LAD1: variants seen among roughly 807,000 people sequenced by gnomAD.
The protein encoded by LAD1 is ladinin 1.
A neutral mutation model predicts 54.2 loss-of-function variants in LAD1; 53 were observed. That is an observed-to-expected ratio of 0.98 (90% CI 0.78 to 1.23). The LOEUF is 1.23. Ranked by LOEUF, LAD1 falls within the 50% of genes most tolerant of loss-of-function variation. The pLI, the probability that LAD1 is intolerant of heterozygous loss-of-function variation, is 0.00. For missense variants in LAD1, 637 were observed against 653.3 expected, an observed-to-expected ratio of 0.98 and a Z score of 0.27; for synonymous variants, 231 against 257.7, an observed-to-expected ratio of 0.90 and a Z score of 0.99.
At chr1:201,389,050 T>C (rs1662146980) in intron 2 of LAD1, 110 bp downstream of exon 2, 1 of 1,311,560 alleles carries the variant, frequency 7.6e-7, no homozygotes, top group Non-Finnish European at 1.1e-6. Context: ...CATCACACCC[T>C]TCAGCCTCAT....
At position 201,389,224 on chromosome 1, in the gene LAD1, TGGA is replaced by T; in HGVS notation, c.115_117del (p.Ser39del). 1 of 1,614,214 alleles carries T rather than the reference TGGA, an allele frequency of 6.2e-7. No homozygotes were observed. The highest frequency in any genetic ancestry group is 8.5e-7 in the Non-Finnish European group (1 of 1,180,044). ...AGCCTGGGAGCCTCATCGTCCGTGG[TGGA>T]GCTCAGGTTGCGGTGCCGCCGCCTG... On this transcript the variant is annotated inframe_deletion, in exon 2 of 10. Coordinates refer to ENST00000391967, the MANE Select transcript of LAD1 (RefSeq NM_005558.4).
intron 5 of LAD1, chr1:201,383,629 T>C (rs1662015668): frequency 3.6e-6 from 2 of 548,382 alleles, no homozygotes; most frequent in Non-Finnish European, 6.6e-6. Context: ...CCCCCATACC[T>C]TGTCATTTCC....
chr1:201,388,717 T>A (rs1571722125), intron 2 of LAD1, among the ~76,000 whole-genome samples: 1 of 143,948 alleles, frequency 6.9e-6, no homozygotes, highest in Non-Finnish European at 1.5e-5. Context: ...TTATAGAGGG[T>A]CAGGGTTAGA....
intron 1 of LAD1, among the ~76,000 whole-genome samples, chr1:201,398,050 G>T (rs1304117615): frequency 6.6e-6 from 1 of 152,148 alleles, no homozygotes; most frequent in African/African-American, 2.4e-5. Flanking sequence ...GAGCCCATGG[G>T]CTGCCCACAG....
intron 9 of LAD1, 44 bp from the exon 10 acceptor site, chr1:201,381,937 G>A (rs775805966): frequency 1.2e-6 from 2 of 1,604,886 alleles, no homozygotes; most frequent in East Asian, 2.2e-5. Context: ...GGGGTGTCAG[G>A]GATGGAAGGG....
At chr1:201,388,681 CAAAA>C (rs35111170) in intron 2 of LAD1, among the ~76,000 whole-genome samples, 2 of 107,778 alleles carry the variant, frequency 1.9e-5, no homozygotes, top group Non-Finnish European at 1.9e-5. Flanking sequence ...GACTTCGTCT[CAAAA>C]AAAAAAAAAA....
intron 4 of LAD1, among the ~76,000 whole-genome samples, chr1:201,385,326 G>C (rs1472107115): frequency 2.0e-5 from 3 of 152,206 alleles, no homozygotes; most frequent in African/African-American, 7.2e-5. Flanking sequence ...GGGAGCAGTA[G>C]GAGAGCCTTG....
chr1:201,388,618 G>T (rs1408442451), intron 2 of LAD1, among the ~76,000 whole-genome samples: 3 of 151,184 alleles, frequency 2.0e-5, no homozygotes, highest in Non-Finnish European at 4.4e-5. Context: ...AGGAGGCGGA[G>T]CTTGCAGTGA....
intron 1 of LAD1, among the ~76,000 whole-genome samples, chr1:201,390,789 C>T (rs1296611384): frequency 6.6e-6 from 1 of 152,092 alleles, no homozygotes; most frequent in Non-Finnish European, 1.5e-5. Context: ...CAAATGTCTC[C>T]TGGGGGGCAA....
rs138315936 is a variant in LAD1, at chr1:201,386,488, C to T, written c.873G>A (p.Leu291=). 1 of 1,561,710 alleles carries T rather than the reference C, an allele frequency of 6.4e-7. No homozygotes were observed. The highest frequency in any genetic ancestry group is 8.6e-7 in the Non-Finnish European group (1 of 1,158,704). ...CCCCAGAGGCTGGCGGCTCCTGCGC[C>T]AGGGGCTGCTCTGAGGCTGTGGCCC... ...PKRATASEQP[L]AQEPPASGGS... is the part of the protein sequence containing the mutation. The change falls in exon 3 of 10, where the codon CTG becomes CTA. Residue 291 remains leucine (L), a synonymous_variant. Coordinates refer to ENST00000391967, the MANE Select transcript of LAD1 (RefSeq NM_005558.4).
chr1:201,385,513 C>A (rs190570839), intron 4 of LAD1, among the ~76,000 whole-genome samples, 188 bp downstream of exon 4: 203 of 152,320 alleles, frequency 1.3e-3, no homozygotes, highest in African/African-American at 4.7e-3. Context: ...ACCTACCCCC[C>A]AGGTTACTAA....
In LAD1 at chr1:201,399,143, C is replaced by T; in HGVS notation, c.38+126G>A. ...CCCCAATCCTGTCTCCCGCGAGTCG[C>T]AGCAAGACCAGGATCCAGCCTCAGT... On this transcript the variant is annotated intron_variant, in intron 1 of 9. Transcript: ENST00000391967. 3.5e-6 allele frequency: 3 copies of T among 856,752 alleles called. 1 individual carries two copies. In the South Asian group the frequency reaches 4.5e-5, roughly 13 times the overall value. 53.1% of individuals were successfully genotyped at this position (856,752 alleles called of 1,614,324 possible).
chr1:201,388,693 A>C (rs1188322182), intron 2 of LAD1, among the ~76,000 whole-genome samples: 2 of 151,912 alleles, frequency 1.3e-5, no homozygotes. Flanking sequence ...AAAAAAAAAA[A>C]AAAAAGAAGT....
In LAD1 at chr1:201,382,223, G is replaced by A. The variant is rs201012610; in HGVS notation, c.1548+29C>T. On this transcript the variant is annotated intron_variant, in intron 9 of 9. Coordinates refer to ENST00000391967, the MANE Select transcript of LAD1 (RefSeq NM_005558.4). ...CCACAGTACACCGTGGCCCTCCGCC[G>A]TAGGGCCAGGCTCCTCCCCACCATT... 297 of 1,592,014 alleles carry A rather than the reference G, an allele frequency of 1.9e-4. 1 individual carries two copies. Among genetic ancestry groups the A allele is most frequent in the African/African-American group, 1.8e-3 (136 of 74,638 alleles).
chr1:201,386,775 C>T lies in LAD1; in HGVS notation c.586G>A (p.Val196Ile). 1 of 1,614,144 alleles carries T rather than the reference C, an allele frequency of 6.2e-7. No individual in the cohort carries two copies. The highest frequency in any genetic ancestry group is 1.1e-5 in the South Asian group (1 of 91,086). The change falls in exon 3 of 10, where the codon GTC (valine) becomes ATC (isoleucine). Residue 196 changes from valine to isoleucine, a missense_variant. Transcript: ENST00000391967. ...PKKTAPEKSLVSDKTSISEKV... is the reference protein window; with the variant it reads ...PKKTAPEKSLISDKTSISEKV... ...TCAGAGATGGAGGTTTTATCGGAGACCAGGCTCTTTTCAGGTGCCGTCTTC... is the reference window on the plus strand; with the variant it reads ...TCAGAGATGGAGGTTTTATCGGAGATCAGGCTCTTTTCAGGTGCCGTCTTC...
At position 201,385,955 on chromosome 1, in the gene LAD1, G is replaced by A. The variant is rs1238790535; in HGVS notation, c.1027-150C>T. On this transcript the variant is annotated intron_variant, in intron 3 of 9. Coordinates refer to ENST00000391967, the MANE Select transcript of LAD1 (RefSeq NM_005558.4). ...CTCTCCTGCCTCCTTCATCTGCTGTGGGAGTGGCTCACAGACAAAGTCCCT... is the reference window on the plus strand; with the variant it reads ...CTCTCCTGCCTCCTTCATCTGCTGTAGGAGTGGCTCACAGACAAAGTCCCT... 3 of 664,778 alleles carry A rather than the reference G, an allele frequency of 4.5e-6. No individual in the cohort carries two copies. The East Asian group carries it at 8.1e-5, about 18-fold the overall frequency. The allele number at this position is 664,778 out of a possible 1,614,324, so 41.2% of individuals were successfully genotyped here.
At chr1:201,395,942 C>T (rs966776104) in intron 1 of LAD1, among the ~76,000 whole-genome samples, 1 of 152,186 alleles carries the variant, frequency 6.6e-6, no homozygotes, top group African/African-American at 2.4e-5. Context: ...CCAGAGGGAG[C>T]TCAACAGCTG....
Position 201,391,009 on chromosome 1 carries a change from T to G in LAD1, c.39-1706A>C, listed in dbSNP as rs191424756. On this transcript the variant is annotated intron_variant, in intron 1 of 9. Transcript: ENST00000391967. ...ATCAGTGGACAGTCATGGAGATATT[T>G]CCTCACTCAATTCCCCATGGAATTT... is the stretch of plus-strand genomic sequence containing the variant. 1,040 of 436,864 alleles carry G rather than the reference T, an allele frequency of 2.4e-3. 5 individuals carry two copies. The highest frequency in any genetic ancestry group is 0.022 in the Middle Eastern group (66 of 2,966). The allele number at this position is 436,864 out of a possible 1,614,324, so 27.1% of individuals were successfully genotyped here.
intron 4 of LAD1, among the ~76,000 whole-genome samples, chr1:201,385,479 G>A (rs1034803723): frequency 7.9e-5 from 12 of 152,192 alleles, no homozygotes; most frequent in Non-Finnish European, 1.3e-4. Context: ...TGCCCACTAG[G>A]TGGGGCTGCT....
Sources: gnomAD v4.1 joint callset for allele counts (sites outside exome capture counted in the v4.1 genomes callset) on GRCh38, gnomAD v4.1.1 for gene constraint, MANE v1.5 for transcripts, NCBI Gene and HGNC (gene_info 2026-07-23, HGNC 2026-07-21) for gene names.